IMMP2L: variants seen among roughly 807,000 people sequenced by gnomAD.
IMMP2L encodes the protein mitochondrial inner membrane protease subunit 2.
IMMP2L carries 18 observed loss-of-function variants against 19.3 expected under a neutral mutation model. That is an observed-to-expected ratio of 0.93 (90% CI 0.64 to 1.38). The LOEUF is 1.38. Among genes scored for constraint, IMMP2L ranks in the 40% most tolerant of loss-of-function variants. The probability of loss-of-function intolerance (pLI) is 0.00; values close to 1 mark genes in which losing one functional copy is unlikely to be tolerated. For synonymous variants in IMMP2L, 76 were observed against 73.0 expected (o/e 1.04, Z -0.21); for missense variants, 233 against 218.2 (o/e 1.07, Z -0.43).
intron 4 of IMMP2L, among the ~76,000 whole-genome samples, chr7:110,908,819 C>A (rs1419362404): frequency 6.6e-6 from 1 of 152,188 alleles, no homozygotes; most frequent in Non-Finnish European, 1.5e-5. Flanking sequence ...TCCCAGTTCA[C>A]TGAATTTAAT....
In IMMP2L at chr7:111,444,993, A is replaced by C. The variant is rs951720660; in HGVS notation, c.239+42245T>G. ...TAATCAAGATGCAGGTTTATAGTCT[A>C]ATGTTGAGCCTTAGAAGATTTTTCT... On this transcript the variant is annotated intron_variant, in intron 3 of 5. Coordinates refer to ENST00000405709, the MANE Select transcript of IMMP2L (RefSeq NM_032549.4). Among the ~76,000 whole-genome samples the C allele has an allele frequency of 2.6e-5, 4 of 152,216 alleles. 1 individual carries two copies. The highest frequency in any genetic ancestry group is 9.6e-5 in the African/African-American group (4 of 41,536).
At chr7:110,859,540 C>T (rs570129857) in intron 5 of IMMP2L, among the ~76,000 whole-genome samples, 50 of 151,344 alleles carry the variant, frequency 3.3e-4, no homozygotes, top group Admixed American at 3.0e-3. Context: ...CTCAGGAGTT[C>T]GAGACTAGCC....
At chr7:111,451,179 A>G (rs1839124641) in intron 3 of IMMP2L, among the ~76,000 whole-genome samples, 1 of 144,980 alleles carries the variant, frequency 6.9e-6, no homozygotes, top group South Asian at 2.1e-4. Context: ...AGAACTAGAA[A>G]TACCATTTGA....
intron 3 of IMMP2L, among the ~76,000 whole-genome samples, chr7:110,995,485 T>G (rs2129560270): frequency 6.6e-6 from 1 of 152,330 alleles, no homozygotes; most frequent in South Asian, 2.1e-4. Flanking sequence ...AGAATTGTTC[T>G]GTTTCTTCCA....
intron 3 of IMMP2L, among the ~76,000 whole-genome samples, chr7:111,272,097 T>C (rs998801614): frequency 2.0e-5 from 3 of 152,192 alleles, no homozygotes; most frequent in East Asian, 1.9e-4. Flanking sequence ...CATGATGACA[T>C]TAAAATTCTC....
chr7:111,170,201 T>C (rs989027399), intron 3 of IMMP2L, among the ~76,000 whole-genome samples: 1 of 151,782 alleles, frequency 6.6e-6, no homozygotes, highest in African/African-American at 2.4e-5. Context: ...GAATATAAGG[T>C]CTCTCTCTCG....
At chr7:111,014,211 C>T (rs1326599313) in intron 3 of IMMP2L, among the ~76,000 whole-genome samples, 1 of 151,904 alleles carries the variant, frequency 6.6e-6, no homozygotes, top group African/African-American at 2.4e-5. Context: ...AAAAATTAGC[C>T]AGGCATTGTG....
intron 4 of IMMP2L, among the ~76,000 whole-genome samples, chr7:110,959,042 T>G (rs1301406921): frequency 6.6e-6 from 1 of 151,968 alleles, no homozygotes; most frequent in African/African-American, 2.4e-5. Flanking sequence ...TTTTGCCACC[T>G]AAAGGAGTGT....
intron 4 of IMMP2L, among the ~76,000 whole-genome samples, chr7:110,904,620 T>C (rs1377271899): frequency 6.6e-6 from 1 of 152,226 alleles, no homozygotes; most frequent in Non-Finnish European, 1.5e-5. Context: ...CGCTTGTTTT[T>C]ATTCCACTAC....
At chr7:110,820,684 A>G (rs1397274391) in intron 5 of IMMP2L, among the ~76,000 whole-genome samples, 2 of 152,034 alleles carry the variant, frequency 1.3e-5, no homozygotes, top group Non-Finnish European at 2.9e-5. Context: ...GAATATCTGC[A>G]ATGTTATTGT....
At chr7:111,276,363 G>A (rs1283012317) in intron 3 of IMMP2L, among the ~76,000 whole-genome samples, 1 of 152,016 alleles carries the variant, frequency 6.6e-6, no homozygotes, top group Non-Finnish European at 1.5e-5. Context: ...ATTTTGTTGA[G>A]GATTTTGTGT....
intron 3 of IMMP2L, among the ~76,000 whole-genome samples, chr7:111,075,771 G>T (rs1726724927): frequency 6.6e-6 from 1 of 152,014 alleles, no homozygotes; most frequent in Non-Finnish European, 1.5e-5. Context: ...ACATGCTGAT[G>T]ACTTCTAAAT....
rs114813484 is a variant in IMMP2L, at chr7:111,424,200, G to A, written c.239+63038C>T. Among the ~76,000 whole-genome samples the A allele has an allele frequency of 9.0e-3, 1,372 of 151,826 alleles. 57 individuals carry two copies. The highest frequency in any genetic ancestry group is 0.031 in the African/African-American group (1,295 of 41,230). On this transcript the variant is annotated intron_variant, in intron 3 of 5. Transcript: ENST00000405709. Reference sequence around the variant, plus strand: ...ACAGCATCTGTAGAACCTGATTTACGGTAAGGTACTTTCTACTCATCACAG... The same window carrying A: ...ACAGCATCTGTAGAACCTGATTTACAGTAAGGTACTTTCTACTCATCACAG...
Position 111,521,653 on chromosome 7 carries a change from T to G in IMMP2L, c.-2-204A>C, listed in dbSNP as rs567235673. Among the ~76,000 whole-genome samples the G allele has an allele frequency of 6.0e-4, 92 of 152,276 alleles. 1 individual carries two copies. The highest frequency in any genetic ancestry group is 2.1e-3 in the African/African-American group (86 of 41,568). The stretch of plus-strand genomic sequence containing the variant: ...ATACGTGAACTCAGGTTAATGCTTT[T>G]CCACAACTCAAGTCCACTTGCTAAC... On this transcript the variant is annotated intron_variant, in intron 1 of 5. Transcript: ENST00000405709.
intron 2 of IMMP2L, among the ~76,000 whole-genome samples, chr7:111,514,082 G>A (rs1845675321): frequency 6.6e-6 from 1 of 152,048 alleles, no homozygotes; most frequent in Non-Finnish European, 1.5e-5. Flanking sequence ...TTTCAGTTAT[G>A]TAGGATTAAT....
intron 5 of IMMP2L, among the ~76,000 whole-genome samples, chr7:110,779,717 G>A (rs775523997): frequency 7.9e-5 from 12 of 151,806 alleles, no homozygotes; most frequent in Non-Finnish European, 1.6e-4. Flanking sequence ...CTAGGACACC[G>A]CAGCATATTC....
intron 1 of IMMP2L, among the ~76,000 whole-genome samples, chr7:111,556,133 G>A (rs1472320434): frequency 1.3e-5 from 2 of 150,186 alleles, no homozygotes; most frequent in Non-Finnish European, 3.0e-5. Context: ...ATACAGAGAT[G>A]GAGAATAAAA....
chr7:111,100,716 G>C (rs893376744), intron 3 of IMMP2L, among the ~76,000 whole-genome samples: 2 of 151,070 alleles, frequency 1.3e-5, no homozygotes, highest in Non-Finnish European at 1.5e-5. Context: ...TTTTGTTTTT[G>C]TAATTTTAGA....
intron 3 of IMMP2L, among the ~76,000 whole-genome samples, chr7:111,267,298 TTGAA>T (rs1817936519): frequency 6.6e-6 from 1 of 152,154 alleles, no homozygotes; most frequent in Non-Finnish European, 1.5e-5. Flanking sequence ...TTTAGGTAAT[TTGAA>T]TGGGTAATAA....
Sources: allele counts gnomAD v4.1 joint callset (sites outside exome capture counted in the v4.1 genomes callset), GRCh38; gene constraint gnomAD v4.1.1; transcripts MANE v1.5; gene names NCBI Gene and HGNC (gene_info 2026-07-23, HGNC 2026-07-21).